RECQL5: variants seen among roughly 807,000 people sequenced by gnomAD.
The protein encoded by RECQL5 is ATP-dependent DNA helicase Q5.
In RECQL5, 88 loss-of-function variants were observed where a neutral mutation model predicts 103.4. The ratio of observed to expected loss-of-function variants is 0.85; its 90% CI spans 0.72 to 1.02. RECQL5 has a LOEUF of 1.02. Ranked by LOEUF, RECQL5 falls within the 50% of genes least tolerant of loss-of-function variation. The pLI, the probability that RECQL5 is intolerant of heterozygous loss-of-function variation, is 0.00. For missense variants in RECQL5, 1,232 were observed against 1,284.3 expected, an observed-to-expected ratio of 0.96 and a Z score of 0.62; for synonymous variants, 552 against 507.9, an observed-to-expected ratio of 1.09 and a Z score of -1.17.
chr17:75,655,523 C>T (rs1835896067), intron 7 of RECQL5, among the ~76,000 whole-genome samples: 1 of 151,798 alleles, frequency 6.6e-6, no homozygotes, highest in African/African-American at 2.4e-5. Context: ...GCCACGACGC[C>T]CAGCTAATAT....
intron 6 of RECQL5, 72 bp from the exon 7 acceptor site, chr17:75,658,532 A>G: frequency 1.4e-6 from 2 of 1,464,958 alleles, no homozygotes; most frequent in Middle Eastern, 2.1e-4. Flanking sequence ...AGTAATCATG[A>G]CTAGGAGAGC....
intron 8 of RECQL5, among the ~76,000 whole-genome samples, chr17:75,633,043 T>C (rs2059249042): frequency 6.6e-6 from 1 of 152,156 alleles, no homozygotes; most frequent in Admixed American, 6.5e-5. Flanking sequence ...TTTAGCTGAG[T>C]GAATGCAGCT....
chr17:75,627,345 G>C lies in RECQL5; in HGVS notation c.*77C>G. The C allele has an allele frequency of 9.3e-7, 1 of 1,074,906 alleles. No individual in the cohort carries two copies. The highest frequency in any genetic ancestry group is 1.4e-6 in the Non-Finnish European group (1 of 699,910). The allele number at this position is 1,074,906 out of a possible 1,614,324, so 66.6% of individuals were successfully genotyped here. On this transcript the variant is annotated 3_prime_UTR_variant, in exon 20 of 20. Coordinates refer to ENST00000317905, the MANE Select transcript of RECQL5 (RefSeq NM_004259.7). Reference sequence around the variant, plus strand: ...GGACTGAGAAAAGACGATGGCCCTGGCATCAGCAGGTGAGGCCCAGGATGA... The same window carrying C: ...GGACTGAGAAAAGACGATGGCCCTGCCATCAGCAGGTGAGGCCCAGGATGA...
chr17:75,645,075 C>A (rs533464925), intron 8 of RECQL5, among the ~76,000 whole-genome samples: 2 of 152,250 alleles, frequency 1.3e-5, no homozygotes, highest in South Asian at 4.1e-4. Context: ...GCTTGCCAAC[C>A]ACAGCTCCTG....
chr17:75,666,630 A>C, intron 1 of RECQL5, 59 bp from the exon 2 acceptor site: 1 of 1,513,440 alleles, frequency 6.6e-7, no homozygotes, highest in Non-Finnish European at 9.0e-7. Flanking sequence ...TCTGTTTTGC[A>C]TTAAAAATAC....
In RECQL5 at chr17:75,630,615, TCA is replaced by T. The variant is rs1040886610; in HGVS notation, c.1718+2_1718+3del. The T allele has an allele frequency of 6.2e-7, 1 of 1,613,274 alleles. No individual in the cohort carries two copies. The highest frequency in any genetic ancestry group is 1.3e-5 in the African/African-American group (1 of 74,922). On this transcript the variant is annotated splice_donor_variant and splice_donor_region_variant and intron_variant, in intron 13 of 19. Transcript: ENST00000317905. LOFTEE classifies it high-confidence loss of function. ...CTCCTCAGCCCAGTGATCGTGGAAC[TCA>T]CTCATCAGCGGTACGTGTTGACTGG...
At chr17:75,666,929 G>A (rs2059794827) in intron 1 of RECQL5, 115 bp downstream of exon 1, 1 of 262,860 alleles carries the variant, frequency 3.8e-6, no homozygotes, top group Non-Finnish European at 7.3e-6. Context: ...GCGCAACCAC[G>A]ACGACCGTTC....
At chr17:75,658,159 C>T in intron 7 of RECQL5, 139 bp downstream of exon 7, 2 of 764,964 alleles carry the variant, frequency 2.6e-6, no homozygotes, top group Middle Eastern at 5.9e-4. Flanking sequence ...AACCAATACG[C>T]CATTTCCCTT....
rs534785198 is a variant in RECQL5, at chr17:75,651,096, C to T, written c.1229+90G>A. ...CAGGTGTCCCTTGGTAGCCTACGGG[C>T]TGTCTTATGTCAGCTGCTTAACTAG... On this transcript the variant is annotated intron_variant, in intron 8 of 19. Coordinates refer to ENST00000317905, the MANE Select transcript of RECQL5 (RefSeq NM_004259.7). 1.3e-5 allele frequency: 21 copies of T among 1,608,708 alleles called. No homozygotes were observed. The South Asian group carries it at 2.3e-4, about 18-fold the overall frequency.
intron 8 of RECQL5, chr17:75,641,212 C>G: frequency 3.2e-6 from 1 of 313,522 alleles, no homozygotes; most frequent in Non-Finnish European, 6.2e-6. Context: ...GTCCCCATAC[C>G]TTGATGGAGA....
chr17:75,655,219 C>A (rs1002860462), intron 7 of RECQL5, among the ~76,000 whole-genome samples: 15 of 152,088 alleles, frequency 9.9e-5, no homozygotes, highest in Non-Finnish European at 4.4e-5. Context: ...TTACAGGAGC[C>A]CGCCACCACG....
At position 75,627,172 on chromosome 17, in the gene RECQL5, C is replaced by A. The variant is rs2059108005; in HGVS notation, c.*250G>T. 1 of 616,148 alleles carries A rather than the reference C, an allele frequency of 1.6e-6. No homozygotes were observed. Among genetic ancestry groups the A allele is most frequent in the African/African-American group, 1.8e-5 (1 of 55,152 alleles). The allele number at this position is 616,148 out of a possible 1,614,324, so 38.2% of individuals were successfully genotyped here. ...ACCACCCTCCACCTTCTGTCCTCGA[C>A]ATGTGTCCCAGAAAACCCAGCCATG... On this transcript the variant is annotated 3_prime_UTR_variant, in exon 20 of 20. Transcript: ENST00000317905.
chr17:75,640,394 C>G lies in RECQL5; in HGVS notation c.1230-8726G>C, dbSNP rs184378263. 7.5e-6 allele frequency: 11 copies of G among 1,463,278 alleles called. No individual in the cohort carries two copies. Among genetic ancestry groups the G allele is most frequent in the Middle Eastern group, 1.8e-4 (1 of 5,592 alleles). The allele number at this position is 1,463,278 out of a possible 1,614,324, so 90.6% of individuals were successfully genotyped here. ...TCTGGGAGAGACCACACCATGGTGC[C>G]AGCCAGAGGGCTGGCAGAGGTGGCG... On this transcript the variant is annotated intron_variant, in intron 8 of 19. Coordinates refer to ENST00000317905, the MANE Select transcript of RECQL5 (RefSeq NM_004259.7). The surrounding 1 kb of genome is among the most constrained non-coding windows in gnomAD (Gnocchi z 4.6).
intron 8 of RECQL5, among the ~76,000 whole-genome samples, chr17:75,632,353 C>G (rs1248172645): frequency 6.6e-6 from 1 of 152,200 alleles, no homozygotes; most frequent in Non-Finnish European, 1.5e-5. Context: ...GGAGGCTGTG[C>G]CGCTTGATAT....
At position 75,630,637 on chromosome 17, in the gene RECQL5, G is replaced by A; in HGVS notation, c.1700C>T (p.Ser567Leu). Residue 567 changes from serine to leucine, a missense_variant, in exon 13 of 20, where the codon TCA becomes TTA. By Grantham distance (145) the Ser-to-Leu change is moderately radical. Coordinates refer to ENST00000317905, the MANE Select transcript of RECQL5 (RefSeq NM_004259.7). ...AACTCACTCATCAGCGGTACGTGTTGACTGGCGGTTGCTGCTCAGCGCCTC... is the reference window on the plus strand; with the variant it reads ...AACTCACTCATCAGCGGTACGTGTTAACTGGCGGTTGCTGCTCAGCGCCTC... ...LEEALSSNRQ[S>L]TRTADEADLR... The A allele has an allele frequency of 2.5e-6, 4 of 1,613,586 alleles. No individual in the cohort carries two copies. The highest frequency in any genetic ancestry group is 2.5e-6 in the Non-Finnish European group (3 of 1,179,908).
At chr17:75,629,645 G>A (rs1004531677) in intron 15 of RECQL5, 63 bp downstream of exon 15, 45 of 1,550,468 alleles carry the variant, frequency 2.9e-5, no homozygotes, top group Non-Finnish European at 3.8e-5. Context: ...GCACCCCTGA[G>A]GGCAGAGGGG....
chr17:75,644,734 C>G (rs369729731), intron 8 of RECQL5, among the ~76,000 whole-genome samples: 1 of 151,422 alleles, frequency 6.6e-6, no homozygotes, highest in East Asian at 1.9e-4. Flanking sequence ...GAGGCTGAGG[C>G]AGGAGAATCG....
Position 75,644,520 on chromosome 17 carries a change from G to A in RECQL5, c.1229+6666C>T, listed in dbSNP as rs555873272. Among the ~76,000 whole-genome samples the A allele has an allele frequency of 2.0e-5, 3 of 152,230 alleles. No homozygotes were observed. The East Asian group carries it at 5.8e-4, about 29-fold the overall frequency. ...TACTCCTGTGGAGGTTGAGGCAGGA[G>A]GACTGCCTGGGGCATGACAGTGGCA... On this transcript the variant is annotated intron_variant, in intron 8 of 19. Coordinates refer to ENST00000317905, the MANE Select transcript of RECQL5 (RefSeq NM_004259.7).
At position 75,628,212 on chromosome 17, in the gene RECQL5, C is replaced by G. The variant is rs1204843853; in HGVS notation, c.2805+6G>C. 1 of 1,612,550 alleles carries G rather than the reference C, an allele frequency of 6.2e-7. No individual in the cohort carries two copies. ...GGAGAAGGCAGAGCCCACTCACTCC[C>G]CCTACCTTGGAAGCAAACTTGCCCT... On this transcript the variant is annotated splice_donor_region_variant and intron_variant, in intron 18 of 19. Transcript: ENST00000317905.
Sources: allele counts gnomAD v4.1 joint callset (sites outside exome capture counted in the v4.1 genomes callset), GRCh38; gene constraint gnomAD v4.1.1; non-coding constraint Gnocchi (gnomAD v3.1); transcripts MANE v1.5; gene names NCBI Gene and HGNC (gene_info 2026-07-23, HGNC 2026-07-21).